COG5: variants seen among roughly 807,000 people sequenced by gnomAD.
COG5 encodes component of oligomeric golgi complex 5.
Under a neutral mutation model 110.4 loss-of-function variants are expected in COG5, and 86 were observed. The observed-to-expected ratio is 0.78, with a 90% CI of 0.65 to 0.93. The LOEUF is 0.93. COG5 is among the 40% of genes least tolerant of loss of function. COG5 has a pLI of 0.00. For missense variants in COG5, 1,077 were observed against 987.0 expected, an observed-to-expected ratio of 1.09 and a Z score of -1.22; for synonymous variants, 360 against 334.6, an observed-to-expected ratio of 1.08 and a Z score of -0.83.
intron 6 of COG5, among the ~76,000 whole-genome samples, chr7:107,512,068 ATAAAGGG>A (rs1799559029): frequency 6.6e-6 from 1 of 152,194 alleles, no homozygotes; most frequent in Admixed American, 6.5e-5. Context: ...GGAGAAGGAA[ATAAAGGG>A]TATTCAATTA....
At chr7:107,289,746 TGTG>T (rs2116857834) in intron 12 of COG5, among the ~76,000 whole-genome samples, 1 of 152,334 alleles carries the variant, frequency 6.6e-6, no homozygotes, top group East Asian at 1.9e-4. Flanking sequence ...ATTTTATCTT[TGTG>T]GTGTTGTTAT....
chr7:107,331,656 G>A (rs1448625103), intron 10 of COG5, among the ~76,000 whole-genome samples: 2 of 151,980 alleles, frequency 1.3e-5, no homozygotes, highest in African/African-American at 4.8e-5. Flanking sequence ...AACTTGATGG[G>A]CCAGAAGATG....
chr7:107,246,388 T>C (rs1453264413), intron 17 of COG5, among the ~76,000 whole-genome samples: 1 of 152,138 alleles, frequency 6.6e-6, no homozygotes, highest in African/African-American at 2.4e-5. Flanking sequence ...CCTAAGAGCT[T>C]CTGCACAGCA....
chr7:107,480,949 A>G (rs1797303575), intron 6 of COG5: 1 of 152,178 alleles, frequency 6.6e-6, no homozygotes, highest in African/African-American at 2.4e-5. Context: ...AAATAATCCT[A>G]CGTGTCTCTC....
chr7:107,332,926 A>G (rs1217377888), intron 10 of COG5, among the ~76,000 whole-genome samples: 3 of 152,226 alleles, frequency 2.0e-5, no homozygotes, highest in Non-Finnish European at 4.4e-5. Context: ...GTGAAAACTA[A>G]GCCTGAAAAA....
chr7:107,280,652 T>C (rs1237823768), intron 14 of COG5, among the ~76,000 whole-genome samples: 1 of 152,058 alleles, frequency 6.6e-6, no homozygotes, highest in Non-Finnish European at 1.5e-5. Flanking sequence ...GGATTTCAAT[T>C]AGCATACATA....
chr7:107,384,366 C>T (rs931668473), intron 7 of COG5, among the ~76,000 whole-genome samples: 9 of 152,146 alleles, frequency 5.9e-5, no homozygotes, highest in Admixed American at 6.5e-5. Context: ...TCCAACCTGC[C>T]TGCCCACTGA....
chr7:107,500,865 C>T (rs1798590137), intron 6 of COG5, among the ~76,000 whole-genome samples: 1 of 148,420 alleles, frequency 6.7e-6, no homozygotes, highest in Admixed American at 6.7e-5. Context: ...TGCCTCCCTG[C>T]CCTGTTGTTT....
chr7:107,352,607 C>T (rs1812261222), intron 10 of COG5, among the ~76,000 whole-genome samples: 1 of 151,598 alleles, frequency 6.6e-6, no homozygotes, highest in Non-Finnish European at 1.5e-5. Context: ...ACATTTATCT[C>T]ATAATATTGA....
At chr7:107,309,189 T>C (rs2116980314) in intron 11 of COG5, among the ~76,000 whole-genome samples, 2 of 152,220 alleles carry the variant, frequency 1.3e-5, no homozygotes, top group South Asian at 4.2e-4. Flanking sequence ...ACTTTGCATC[T>C]TCATTCTCTC....
intron 6 of COG5, among the ~76,000 whole-genome samples, chr7:107,511,357 T>A (rs1296810687): frequency 6.6e-6 from 1 of 152,146 alleles, no homozygotes; most frequent in African/African-American, 2.4e-5. Flanking sequence ...AGAAGTTGAA[T>A]CTCTGAATAG....
At chr7:107,259,100 G>T (rs1041073999) in intron 14 of COG5, among the ~76,000 whole-genome samples, 1 of 151,788 alleles carries the variant, frequency 6.6e-6, no homozygotes, top group Admixed American at 6.6e-5. Context: ...GACATGGAAT[G>T]CTTTATTGAG....
chr7:107,423,717 A>G (rs1194934268), intron 6 of COG5, among the ~76,000 whole-genome samples: 2 of 152,098 alleles, frequency 1.3e-5, no homozygotes, highest in Non-Finnish European at 2.9e-5. Context: ...AAAAATATCA[A>G]GAAAATATTA....
At chr7:107,278,733 T>C (rs887093148) in intron 14 of COG5, among the ~76,000 whole-genome samples, 1 of 152,164 alleles carries the variant, frequency 6.6e-6, no homozygotes, top group Admixed American at 6.5e-5. Context: ...TGGCTAACCA[T>C]ATGCAGAAAA....
intron 5 of COG5, among the ~76,000 whole-genome samples, chr7:107,531,804 C>A (rs1159593122): frequency 2.6e-5 from 4 of 151,728 alleles, no homozygotes; most frequent in Non-Finnish European, 4.4e-5. Flanking sequence ...GAGTGATTAA[C>A]TGTACCACTT....
intron 14 of COG5, among the ~76,000 whole-genome samples, chr7:107,259,099 T>C (rs1158401423): frequency 6.6e-6 from 1 of 152,132 alleles, no homozygotes; most frequent in Non-Finnish European, 1.5e-5. Flanking sequence ...GGACATGGAA[T>C]GCTTTATTGA....
At chr7:107,256,668 C>T (rs1802902122) in intron 16 of COG5, 64 bp downstream of exon 16, 1 of 1,091,842 alleles carries the variant, frequency 9.2e-7, no homozygotes, top group Non-Finnish European at 1.4e-6. Flanking sequence ...ACATTGCCCA[C>T]TCAGCAAAAC....
At chr7:107,354,582 A>C (rs1481490091) in intron 10 of COG5, among the ~76,000 whole-genome samples, 1 of 152,078 alleles carries the variant, frequency 6.6e-6, no homozygotes, top group African/African-American at 2.4e-5. Flanking sequence ...AAGCTGAGGC[A>C]GGAGAATCGC....
At chr7:107,300,636 C>T (rs547765109) in intron 11 of COG5, among the ~76,000 whole-genome samples, 5 of 152,078 alleles carry the variant, frequency 3.3e-5, no homozygotes, top group South Asian at 4.1e-4. Flanking sequence ...TAGCTGCACA[C>T]TGAAAACTAC....
Sources: gnomAD v4.1 joint callset for allele counts (sites outside exome capture counted in the v4.1 genomes callset) on GRCh38, gnomAD v4.1.1 for gene constraint, MANE v1.5 for transcripts, NCBI Gene and HGNC (gene_info 2026-07-23, HGNC 2026-07-21) for gene names.